The following KCNG3 variants were observed in gnomAD, a reference collection of about 807,000 sequenced individuals.
KCNG3 encodes potassium voltage-gated channel modifier subfamily G member 3.
Under a neutral mutation model 29.0 loss-of-function variants are expected in KCNG3, and 15 were observed. The ratio of observed to expected loss-of-function variants is 0.52; its 90% CI spans 0.35 to 0.80. The LOEUF is 0.80. Ranked by LOEUF, KCNG3 falls within the 30% of genes least tolerant of loss-of-function variation. KCNG3 has a pLI of 0.01. For missense variants in KCNG3, 512 were observed against 605.7 expected (o/e 0.85, Z 1.62); for synonymous variants, 322 against 248.9 (o/e 1.29, Z -2.76).
intron 1 of KCNG3, among the ~76,000 whole-genome samples, chr2:42,482,210 TC>T (rs1673604715): frequency 1.3e-5 from 2 of 152,238 alleles, no homozygotes; most frequent in South Asian, 4.1e-4. Context: ...TAGTCGGTGC[TC>T]AATAAATGTT....
chr2:42,486,482 A>C lies in KCNG3; in HGVS notation c.665+6355T>G, dbSNP rs111239924. On this transcript the variant is annotated intron_variant, in intron 1 of 1. Coordinates refer to ENST00000306078, the MANE Select transcript of KCNG3 (RefSeq NM_133329.6). ...AAAACCTTCCAAAGACCTCCCTGTCACATTTGGAAGAAAATCCAAACTCCT... is the reference window on the plus strand; with the variant it reads ...AAAACCTTCCAAAGACCTCCCTGTCCCATTTGGAAGAAAATCCAAACTCCT... Among the ~76,000 whole-genome samples the C allele has an allele frequency of 7.5e-3, 1,149 of 152,332 alleles. 11 individuals are homozygous for C. The highest frequency in any genetic ancestry group is 0.013 in the Non-Finnish European group (876 of 68,028).
At chr2:42,406,810 G>A in the KCNG3 span, among the ~76,000 whole-genome samples, 5 of 135,454 alleles carry the variant, frequency 3.7e-5, no homozygotes, top group African/African-American at 1.1e-4. Context: ...CTGGGTGACA[G>A]GGTGAGACTC....
At chr2:42,457,158 C>G (rs1672896634) in intron 1 of KCNG3, among the ~76,000 whole-genome samples, 1 of 151,968 alleles carries the variant, frequency 6.6e-6, no homozygotes, top group Non-Finnish European at 1.5e-5. Flanking sequence ...TTGTTATGAT[C>G]CCCACCTACA....
intron 1 of KCNG3, among the ~76,000 whole-genome samples, chr2:42,487,071 C>T (rs372808905): frequency 4.6e-4 from 69 of 149,912 alleles, no homozygotes; most frequent in African/African-American, 1.7e-3. Flanking sequence ...ACAGAAGAAT[C>T]GCTTGAACCC....
chr2:42,472,753 G>A (rs1405085605), intron 1 of KCNG3, among the ~76,000 whole-genome samples: 1 of 151,624 alleles, frequency 6.6e-6, no homozygotes, highest in African/African-American at 2.4e-5. Context: ...ACCCGCCTCG[G>A]CCTCCCAAAG....
chr2:42,433,731 C>CT, the KCNG3 span, among the ~76,000 whole-genome samples: 1 of 152,180 alleles, frequency 6.6e-6, no homozygotes, highest in South Asian at 2.1e-4. Context: ...GAACAAAACT[C>CT]TGTCTCAAAA....
chr2:42,435,447 G>A, the KCNG3 span, among the ~76,000 whole-genome samples: 7 of 152,282 alleles, frequency 4.6e-5, no homozygotes, highest in Middle Eastern at 3.4e-3. Context: ...TAAAATGTGT[G>A]CTGCAAATGA....
At chr2:42,476,678 C>T (rs1278245260) in intron 1 of KCNG3, among the ~76,000 whole-genome samples, 5 of 149,570 alleles carry the variant, frequency 3.3e-5, no homozygotes, top group African/African-American at 9.8e-5. Flanking sequence ...TTAGTAGAGA[C>T]GGGGTTTCAC....
the KCNG3 span, among the ~76,000 whole-genome samples, chr2:42,402,221 C>A: frequency 6.6e-6 from 1 of 152,236 alleles, no homozygotes; most frequent in Non-Finnish European, 1.5e-5. Context: ...GACCTTCGGT[C>A]CAGACTGAAT....
chr2:42,464,073 A>C (rs905222717), intron 1 of KCNG3: 1 of 212,770 alleles, frequency 4.7e-6, no homozygotes, highest in Non-Finnish European at 9.5e-6. Context: ...GGGCTGCCTC[A>C]ACAAATGACA....
At chr2:42,389,844 G>A in the KCNG3 span, among the ~76,000 whole-genome samples, 2 of 152,152 alleles carry the variant, frequency 1.3e-5, no homozygotes, top group Non-Finnish European at 2.9e-5. Context: ...AATCTTATTT[G>A]TTATCAACTG....
chr2:42,447,119 G>A (rs1328493507), intron 1 of KCNG3, among the ~76,000 whole-genome samples: 1 of 126,694 alleles, frequency 7.9e-6, no homozygotes, highest in East Asian at 2.0e-4. Context: ...GAAGGGAAAA[G>A]TCTCACCTCT....
chr2:42,463,542 C>A, intron 1 of KCNG3: 1 of 169,806 alleles, frequency 5.9e-6, no homozygotes, highest in South Asian at 1.5e-4. Context: ...TCTCAAAATT[C>A]ATCCGGTAGC....
downstream of KCNG3, among the ~76,000 whole-genome samples, chr2:42,439,602 AAAAG>A (rs1229879086): frequency 1.3e-5 from 2 of 150,494 alleles, no homozygotes; most frequent in African/African-American, 2.4e-5. Flanking sequence ...AAAAAAAAGA[AAAAG>A]AAAAAGGAAA....
intron 1 of KCNG3, among the ~76,000 whole-genome samples, chr2:42,467,558 C>T (rs1157452305): frequency 1.3e-5 from 2 of 151,556 alleles, no homozygotes; most frequent in Non-Finnish European, 2.9e-5. Flanking sequence ...ATCCCAGCTA[C>T]TCAGGAGGCT....
chr2:42,404,945 A>G, the KCNG3 span, among the ~76,000 whole-genome samples: 1 of 152,168 alleles, frequency 6.6e-6, no homozygotes, highest in Non-Finnish European at 1.5e-5. Context: ...CAGACCCCCA[A>G]AGCCGGATCC....
chr2:42,405,940 G>T, the KCNG3 span, among the ~76,000 whole-genome samples: 16 of 150,934 alleles, frequency 1.1e-4, 1 homozygote, highest in South Asian at 3.4e-3. Context: ...ACAGGGTTTC[G>T]TCATGTTGGC....
the KCNG3 span, among the ~76,000 whole-genome samples, chr2:42,435,603 G>C: frequency 6.6e-6 from 1 of 152,018 alleles, no homozygotes; most frequent in Admixed American, 6.6e-5. Context: ...TTAAGGGCAG[G>C]GGTTTAAGTA....
At chr2:42,419,461 C>T in the KCNG3 span, among the ~76,000 whole-genome samples, 2 of 151,690 alleles carry the variant, frequency 1.3e-5, no homozygotes, top group Non-Finnish European at 2.9e-5. Context: ...AGGCTGGTCT[C>T]GAACTCCTGA....
Sources: gnomAD v4.1 joint callset for allele counts (sites outside exome capture counted in the v4.1 genomes callset) on GRCh38, gnomAD v4.1.1 for gene constraint, MANE v1.5 for transcripts, NCBI Gene and HGNC (gene_info 2026-07-23, HGNC 2026-07-21) for gene names.